VAV2: variants seen among roughly 807,000 people sequenced by gnomAD.
VAV2 encodes the protein vav guanine nucleotide exchange factor 2.
In VAV2, 67 loss-of-function variants were observed where a neutral mutation model predicts 132.5. That is an observed-to-expected ratio of 0.51 (90% CI 0.42 to 0.62). The LOEUF (loss-of-function observed/expected upper bound fraction) is 0.62, where lower values mean the gene tolerates loss of function less well. VAV2 is among the 20% of genes least tolerant of loss of function. VAV2 has a pLI of 0.00. For synonymous variants in VAV2, 492 were observed against 443.5 expected, an observed-to-expected ratio of 1.11 and a Z score of -1.37; for missense variants, 938 against 1,153.6, an observed-to-expected ratio of 0.81 and a Z score of 2.71.
At chr9:133,974,003 G>C (rs1479075975) in intron 1 of VAV2, among the ~76,000 whole-genome samples, 4 of 152,292 alleles carry the variant, frequency 2.6e-5, no homozygotes, top group African/African-American at 4.8e-5. Flanking sequence ...GTGGGGGCTG[G>C]GGTGTTGTGA....
intron 3 of VAV2, among the ~76,000 whole-genome samples, chr9:133,848,131 T>A (rs1837011720): frequency 6.6e-6 from 1 of 151,550 alleles, no homozygotes; most frequent in Admixed American, 6.6e-5. Flanking sequence ...CAAAAAAAAA[T>A]CAGCTGGGTG....
At chr9:133,947,142 G>A (rs896405254) in intron 1 of VAV2, among the ~76,000 whole-genome samples, 3 of 152,170 alleles carry the variant, frequency 2.0e-5, no homozygotes, top group African/African-American at 7.2e-5. Flanking sequence ...GGCCCCCAAG[G>A]ACAGCCACTG....
At chr9:133,799,342 G>C (rs1834842598) in intron 9 of VAV2, among the ~76,000 whole-genome samples, 1 of 152,182 alleles carries the variant, frequency 6.6e-6, no homozygotes, top group Non-Finnish European at 1.5e-5. Flanking sequence ...CGCTGCGCGT[G>C]GGGTCCAGTG....
At chr9:133,827,235 G>A (rs12343771) in intron 4 of VAV2, among the ~76,000 whole-genome samples, 21,428 of 35,746 alleles carry the variant, frequency 0.6, 7,230 homozygotes, top group East Asian at 0.83. Context: ...GTGCCCACTG[G>A]GGCTGACCAC....
rs982269811 is a variant in VAV2 at position 133,928,087 on chromosome 9, C to T, written c.321+11016G>A. Among the ~76,000 whole-genome samples the T allele has an allele frequency of 1.6e-4, 24 of 152,130 alleles. No individual in the cohort carries two copies. Among genetic ancestry groups the T allele is most frequent in the African/African-American group, 4.3e-4 (18 of 41,420 alleles). ...TGAAGTTAATGACGGGCATGGCTCC[C>T]GCCTGGAAAGGAAAGCAGAGAAAAA... On this transcript the variant is annotated intron_variant, in intron 2 of 29. Transcript: ENST00000371850. This position sits in a 1 kb window ranked among gnomAD's most constrained non-coding sequence, Gnocchi z 5.4.
rs779956188 is a variant in VAV2 at position 133,776,046 on chromosome 9, T to C, written c.2000A>G (p.Asp667Gly). 1.2e-6 allele frequency: 2 copies of C among 1,613,016 alleles called. No individual in the cohort carries two copies. The highest frequency in any genetic ancestry group is 1.1e-5 in the South Asian group (1 of 90,966). Residue 667 changes from aspartate (D) to glycine (G), a missense_variant, in exon 24 of 30, where the codon GAC becomes GGC. By Grantham distance (94) the Asp-to-Gly change is moderately conservative. Transcript: ENST00000371850. ...CACTCACCAGGGGTATGCAGTGTAG[T>C]CGATCTCCCGGGATGGCGGCCGGCT... ...PISRPPSREI[D>G]YTAYPWFAGN...
At chr9:133,908,682 T>C (rs56108795) in intron 2 of VAV2, among the ~76,000 whole-genome samples, 4,977 of 152,344 alleles carry the variant, frequency 0.033, 138 homozygotes, top group Non-Finnish European at 0.047. Context: ...CAGGCTGTAG[T>C]GGGTCTGCGC....
intron 29 of VAV2, among the ~76,000 whole-genome samples, chr9:133,766,257 G>A (rs1265183730): frequency 1.3e-5 from 2 of 152,144 alleles, no homozygotes; most frequent in Non-Finnish European, 2.9e-5. Flanking sequence ...CTTCCACAAT[G>A]GTTGAACTAG....
rs1186912777 is a variant in VAV2, at chr9:133,961,775, C to T, written c.205-22556G>A. 2.0e-5 allele frequency among the ~76,000 whole-genome samples: 3 copies of T among 152,164 alleles called. No homozygotes were observed. Among genetic ancestry groups the T allele is most frequent in the Admixed American group, 6.5e-5 (1 of 15,290 alleles). On this transcript the variant is annotated intron_variant, in intron 1 of 29. Transcript: ENST00000371850. This position sits in a 1 kb window ranked among gnomAD's most constrained non-coding sequence, Gnocchi z 4.1. ...GGCCCAGTGGCTCAGGGAGAAGACC[C>T]GGGCTTGCATGATGTACACCAGGGA...
intron 1 of VAV2, among the ~76,000 whole-genome samples, chr9:133,981,116 C>T (rs1208777338): frequency 1.3e-5 from 2 of 152,206 alleles, no homozygotes. Context: ...AAGCAGGAGA[C>T]GGGGTGAGGC....
At chr9:133,986,878 C>T (rs1842870776) in intron 1 of VAV2, among the ~76,000 whole-genome samples, 1 of 152,132 alleles carries the variant, frequency 6.6e-6, no homozygotes, top group African/African-American at 2.4e-5. Flanking sequence ...ACCTCATCAA[C>T]ATCCACTGGG....
chr9:133,830,340 C>T (rs1836216091), intron 4 of VAV2, among the ~76,000 whole-genome samples: 1 of 152,220 alleles, frequency 6.6e-6, no homozygotes, highest in South Asian at 2.1e-4. Flanking sequence ...CAAATCTCAT[C>T]TTGAACTGTA....
chr9:133,964,788 C>T (rs1039822958), intron 1 of VAV2, among the ~76,000 whole-genome samples: 1 of 152,062 alleles, frequency 6.6e-6, no homozygotes, highest in Non-Finnish European at 1.5e-5. Context: ...GGGATAAAAA[C>T]CCTCAAAAAT....
Position 133,952,970 on chromosome 9 carries a change from C to T in VAV2, c.205-13751G>A, listed in dbSNP as rs563207499. 2.0e-3 allele frequency among the ~76,000 whole-genome samples: 278 copies of T among 140,450 alleles called. 8 individuals carry two copies. Among genetic ancestry groups the T allele is most frequent in the African/African-American group, 7.1e-3 (266 of 37,382 alleles). 92.1% of individuals were successfully genotyped at this position (140,450 alleles called of 152,430 possible). Reference sequence around the variant, plus strand: ...TAGAACCTGGAGGGAGCATGGCCCCCGGGACACCTAGAACCTGGAGGGAGC... The same window carrying T: ...TAGAACCTGGAGGGAGCATGGCCCCTGGGACACCTAGAACCTGGAGGGAGC... On this transcript the variant is annotated intron_variant, in intron 1 of 29. Transcript: ENST00000371850.
chr9:133,867,527 A>C (rs1837854538), intron 2 of VAV2, among the ~76,000 whole-genome samples: 2 of 152,198 alleles, frequency 1.3e-5, no homozygotes, highest in African/African-American at 4.8e-5. Flanking sequence ...CTTTGCTTAG[A>C]GCCTCTGGAG....
intron 12 of VAV2, among the ~76,000 whole-genome samples, chr9:133,792,684 CCCCCCA>C (rs1486447390): frequency 7.7e-6 from 1 of 129,310 alleles, no homozygotes; most frequent in African/African-American, 3.1e-5. Flanking sequence ...AGGGACCCCC[CCCCCCA>C]CCCCCCACCC....
At chr9:133,890,090 G>T (rs976204116) in intron 2 of VAV2, among the ~76,000 whole-genome samples, 14 of 152,218 alleles carry the variant, frequency 9.2e-5, no homozygotes, top group Non-Finnish European at 1.6e-4. Context: ...ACTCGCAGGG[G>T]CTGAGGCAGG....
At chr9:133,787,974 C>T (rs1417024338) in intron 15 of VAV2, among the ~76,000 whole-genome samples, 2 of 152,238 alleles carry the variant, frequency 1.3e-5, no homozygotes, top group Admixed American at 6.5e-5. Context: ...AGCCTGCTTG[C>T]TACAAGGGAC....
chr9:133,832,211 AC>A (rs1254348886), intron 4 of VAV2, among the ~76,000 whole-genome samples: 1 of 152,200 alleles, frequency 6.6e-6, no homozygotes, highest in Non-Finnish European at 1.5e-5. Context: ...CAGCCCAGAG[AC>A]CCAACAGAGG....
Sources: allele counts gnomAD v4.1 joint callset (sites outside exome capture counted in the v4.1 genomes callset), GRCh38; gene constraint gnomAD v4.1.1; non-coding constraint Gnocchi (gnomAD v3.1); transcripts MANE v1.5; gene names NCBI Gene and HGNC (gene_info 2026-07-23, HGNC 2026-07-21).